The following PTPRN2 variants were observed in gnomAD, a reference collection of about 807,000 sequenced individuals.
PTPRN2 encodes the protein receptor-type tyrosine-protein phosphatase N2.
A neutral mutation model predicts 118.8 loss-of-function variants in PTPRN2; 74 were observed. The observed-to-expected ratio is 0.62, with a 90% CI of 0.52 to 0.76. The LOEUF (loss-of-function observed/expected upper bound fraction) is 0.76, where lower values mean the gene tolerates loss of function less well. PTPRN2 is among the 30% of genes least tolerant of loss of function. The probability of loss-of-function intolerance (pLI) is 0.00; values close to 1 mark genes in which losing one functional copy is unlikely to be tolerated. For missense variants in PTPRN2, 1,481 were observed against 1,394.4 expected (o/e 1.06, Z -0.99); for synonymous variants, 641 against 608.0 (o/e 1.05, Z -0.80).
At chr7:158,073,812 C>T (rs569730165) in intron 11 of PTPRN2, among the ~76,000 whole-genome samples, 20 of 152,310 alleles carry the variant, frequency 1.3e-4, no homozygotes, top group Admixed American at 7.2e-4. Context: ...ATGGCAGCCT[C>T]GCATCATGGA....
chr7:158,246,522 G>A (rs948486845), intron 3 of PTPRN2, among the ~76,000 whole-genome samples: 5 of 150,928 alleles, frequency 3.3e-5, no homozygotes, highest in Admixed American at 2.0e-4. Context: ...AAATGTGAGC[G>A]TTTCACAAGT....
chr7:157,743,640 C>T (rs72505544), intron 12 of PTPRN2, among the ~76,000 whole-genome samples: 2,018 of 151,804 alleles, frequency 0.013, 84 homozygotes, highest in South Asian at 0.12. Flanking sequence ...TAGCTATCTC[C>T]GGGTTGGCTG....
rs1436690565 is a variant in PTPRN2 at position 157,622,462 on chromosome 7, G to A, written c.2197-953C>T. On this transcript the variant is annotated intron_variant, in intron 14 of 22. Transcript: ENST00000389418. The surrounding 1 kb of genome is among the most constrained non-coding windows in gnomAD (Gnocchi z 5.3). ...TCCCCTTCGATTGATCCGAGGAGCT[G>A]GGATGGTCCCTCCCTGCCCACTGGG... 6.6e-6 allele frequency among the ~76,000 whole-genome samples: 1 copy of A among 152,158 alleles called. No individual in the cohort carries two copies. Among genetic ancestry groups the A allele is most frequent in the African/African-American group, 2.4e-5 (1 of 41,444 alleles).
intron 2 of PTPRN2, among the ~76,000 whole-genome samples, chr7:158,475,166 C>T (rs1166817726): frequency 3.3e-5 from 5 of 152,116 alleles, no homozygotes; most frequent in Middle Eastern, 3.2e-3. Context: ...GCTCAGGACC[C>T]GAAAAGCAAC....
At chr7:158,489,594 G>T in intron 2 of PTPRN2, 141 bp downstream of exon 2, 1 of 788,336 alleles carries the variant, frequency 1.3e-6, no homozygotes, top group Non-Finnish European at 1.8e-6. Context: ...ATGGCTCCGG[G>T]GTTCCATCCG....
intron 2 of PTPRN2, among the ~76,000 whole-genome samples, chr7:158,409,015 A>G (rs1813809292): frequency 6.6e-6 from 1 of 151,022 alleles, no homozygotes; most frequent in African/African-American, 2.4e-5. Context: ...AAAAAAAATC[A>G]AAAGATCATC....
At position 158,333,993 on chromosome 7, in the gene PTPRN2, C is replaced by T. The variant is rs1226823243; in HGVS notation, c.164-17061G>A. ...CAATCTCACCATAAGAGCCGACACC[C>T]GCAGACATCACTCACACACACACGC... On this transcript the variant is annotated intron_variant, in intron 2 of 22. Transcript: ENST00000389418. 2.3e-4 allele frequency among the ~76,000 whole-genome samples: 3 copies of T among 13,112 alleles called. 1 individual carries two copies. Among genetic ancestry groups the T allele is most frequent in the Non-Finnish European group, 4.1e-4 (2 of 4,840 alleles). 8.6% of individuals were successfully genotyped at this position (13,112 alleles called of 152,430 possible). A position where few individuals can be genotyped will look rare whatever the true frequency, so the allele number is the denominator to read the frequency against.
intron 12 of PTPRN2, among the ~76,000 whole-genome samples, chr7:157,775,788 G>A (rs908250381): frequency 9.9e-5 from 15 of 152,132 alleles, no homozygotes; most frequent in Non-Finnish European, 2.2e-4. Context: ...AGGCCTGCAG[G>A]CTGGGTTCCT....
intron 2 of PTPRN2, among the ~76,000 whole-genome samples, chr7:158,453,731 A>C (rs534806962): frequency 1.3e-5 from 2 of 152,258 alleles, no homozygotes; most frequent in Non-Finnish European, 2.9e-5. Flanking sequence ...GAAAATTGAA[A>C]GCCTCATGTC....
In PTPRN2 at chr7:158,390,189, C is replaced by T. The variant is rs1353104388; in HGVS notation, c.164-73257G>A. On this transcript the variant is annotated intron_variant, in intron 2 of 22. Coordinates refer to ENST00000389418, the MANE Select transcript of PTPRN2 (RefSeq NM_002847.5). Reference sequence around the variant, plus strand: ...AGGCATGTCCCCTTGAACTCAGAGGCGCCGTCGCCCTGGGCCGTGTCCTCC... The same window carrying T: ...AGGCATGTCCCCTTGAACTCAGAGGTGCCGTCGCCCTGGGCCGTGTCCTCC... Among the ~76,000 whole-genome samples the T allele has an allele frequency of 2.0e-5, 3 of 152,100 alleles. No individual in the cohort carries two copies. In the South Asian group the frequency reaches 6.2e-4, roughly 32 times the overall value.
chr7:157,786,669 G>T (rs1371926040), intron 12 of PTPRN2, among the ~76,000 whole-genome samples: 1 of 152,234 alleles, frequency 6.6e-6, no homozygotes, highest in East Asian at 1.9e-4. Flanking sequence ...GCCACACCAG[G>T]CCACATCCGT....
chr7:158,311,865 G>GT (rs760164172), intron 3 of PTPRN2, among the ~76,000 whole-genome samples: 2 of 139,550 alleles, frequency 1.4e-5, no homozygotes, highest in Non-Finnish European at 3.1e-5. Flanking sequence ...ACATGCTCAT[G>GT]TGTAGACACC....
At chr7:157,742,624 C>T (rs796721299) in intron 12 of PTPRN2, among the ~76,000 whole-genome samples, 2 of 152,274 alleles carry the variant, frequency 1.3e-5, no homozygotes, top group African/African-American at 4.8e-5. Flanking sequence ...AAGCTCCAAG[C>T]ACACCCAGAA....
At chr7:157,961,289 C>T (rs374932876) in intron 11 of PTPRN2, among the ~76,000 whole-genome samples, 9 of 151,840 alleles carry the variant, frequency 5.9e-5, no homozygotes, top group East Asian at 3.9e-4. Flanking sequence ...CCCAGCACGT[C>T]GGGAGGCTGT....
chr7:158,240,764 C>T lies in PTPRN2; in HGVS notation c.278-35491G>A, dbSNP rs566418166. The stretch of plus-strand genomic sequence containing the variant: ...CTTTCTAATGGCAAAAGGCTTCCTT[C>T]GAACTTTACCCTTGCTAGATCTTAA... On this transcript the variant is annotated intron_variant, in intron 3 of 22. Transcript: ENST00000389418. Among the ~76,000 whole-genome samples the T allele has an allele frequency of 1.5e-3, 235 of 152,272 alleles. 2 individuals carry two copies. The highest frequency in any genetic ancestry group is 5.6e-3 in the African/African-American group (231 of 41,554).
intron 12 of PTPRN2, among the ~76,000 whole-genome samples, chr7:157,766,206 T>TACAC (rs1802473095): frequency 6.9e-6 from 1 of 145,102 alleles, no homozygotes. Flanking sequence ...CATCCATCCA[T>TACAC]CCATCCACCC....
chr7:158,251,398 A>G (rs1367810376), intron 3 of PTPRN2, among the ~76,000 whole-genome samples: 8 of 132,000 alleles, frequency 6.1e-5, no homozygotes, highest in South Asian at 2.6e-4. Flanking sequence ...GGATGTATAC[A>G]GTGCATGTGG....
chr7:157,752,499 C>T (rs1014519442), intron 12 of PTPRN2, among the ~76,000 whole-genome samples: 2 of 152,186 alleles, frequency 1.3e-5, no homozygotes, highest in African/African-American at 4.8e-5. Flanking sequence ...GTGTGGCTGT[C>T]GCCCTTTTGT....
At chr7:157,759,591 G>A (rs557266061) in intron 12 of PTPRN2, among the ~76,000 whole-genome samples, 84 of 152,346 alleles carry the variant, frequency 5.5e-4, no homozygotes, top group African/African-American at 1.9e-3. Context: ...AGACGGACAC[G>A]TGTGACTCAG....
Sources: allele counts gnomAD v4.1 joint callset (sites outside exome capture counted in the v4.1 genomes callset), GRCh38; gene constraint gnomAD v4.1.1; non-coding constraint Gnocchi (gnomAD v3.1); transcripts MANE v1.5; gene names NCBI Gene and HGNC (gene_info 2026-07-23, HGNC 2026-07-21).